Variants in COL24A1 observed in about 807,000 individuals in gnomAD.
COL24A1 encodes the protein collagen alpha-1(XXIV) chain.
Under a neutral mutation model 253.9 loss-of-function variants are expected in COL24A1, and 224 were observed. That is an observed-to-expected ratio of 0.88 (90% CI 0.79 to 0.99). The LOEUF (loss-of-function observed/expected upper bound fraction) is 0.99, where lower values mean the gene tolerates loss of function less well. Ranked by LOEUF, COL24A1 falls within the 50% of genes least tolerant of loss-of-function variation. The probability of loss-of-function intolerance (pLI) is 0.00; values close to 1 mark genes in which losing one functional copy is unlikely to be tolerated. For missense variants in COL24A1, 2,131 were observed against 2,068.5 expected (o/e 1.03, Z -0.59); for synonymous variants, 685 against 673.7 (o/e 1.02, Z -0.26).
At chr1:86,077,433 T>C (rs1702330824) in intron 7 of COL24A1, among the ~76,000 whole-genome samples, 1 of 152,150 alleles carries the variant, frequency 6.6e-6, no homozygotes, top group Admixed American at 6.6e-5. Context: ...AGTGTGGCAA[T>C]TCCTCAAGGA....
intron 7 of COL24A1, among the ~76,000 whole-genome samples, chr1:86,074,603 A>G (rs532604273): frequency 1.3e-5 from 2 of 152,270 alleles, no homozygotes; most frequent in East Asian, 1.9e-4. Context: ...TGGACCAAGC[A>G]GACATAATAG....
At chr1:85,806,804 G>A (rs1182644467) in intron 47 of COL24A1, among the ~76,000 whole-genome samples, 3 of 152,164 alleles carry the variant, frequency 2.0e-5, no homozygotes, top group Admixed American at 6.5e-5. Flanking sequence ...CCTGCTCTAC[G>A]ACCCAGCAGG....
At chr1:85,856,589 G>A (rs1164508025) in intron 37 of COL24A1, among the ~76,000 whole-genome samples, 2 of 152,042 alleles carry the variant, frequency 1.3e-5, no homozygotes, top group Non-Finnish European at 2.9e-5. Context: ...CCTAATGATA[G>A]CTCTTTGCAT....
chr1:85,934,985 T>C (rs1309959964), intron 24 of COL24A1, among the ~76,000 whole-genome samples: 4 of 151,822 alleles, frequency 2.6e-5, no homozygotes, highest in African/African-American at 4.8e-5. Context: ...AGCTAGAATA[T>C]GCTGTGTTTC....
chr1:86,041,580 A>G (rs1266979004), intron 12 of COL24A1, among the ~76,000 whole-genome samples: 1 of 152,168 alleles, frequency 6.6e-6, no homozygotes, highest in African/African-American at 2.4e-5. Context: ...TGCACTAAAA[A>G]GGAAGCTACT....
intron 43 of COL24A1, among the ~76,000 whole-genome samples, chr1:85,836,368 A>C (rs1676006651): frequency 6.6e-6 from 1 of 152,346 alleles, no homozygotes; most frequent in East Asian, 1.9e-4. Context: ...GTAAAGTTTA[A>C]AATGGTTAAA....
At chr1:86,104,874 G>A (rs978929177) in intron 5 of COL24A1, among the ~76,000 whole-genome samples, 1 of 152,246 alleles carries the variant, frequency 6.6e-6, no homozygotes, top group African/African-American at 2.4e-5. Flanking sequence ...AGCAGCGGCC[G>A]AGTGGCAGGA....
intron 14 of COL24A1, among the ~76,000 whole-genome samples, chr1:86,026,415 G>A (rs1465260721): frequency 1.3e-5 from 2 of 152,048 alleles, no homozygotes. Context: ...TCAGATCATT[G>A]GGGAGGATTC....
chr1:85,891,256 G>C (rs1383903064), intron 31 of COL24A1, among the ~76,000 whole-genome samples: 2 of 144,206 alleles, frequency 1.4e-5, no homozygotes, highest in Non-Finnish European at 3.0e-5. Flanking sequence ...GGTAGAGACA[G>C]AGTTTCACCG....
intron 47 of COL24A1, among the ~76,000 whole-genome samples, chr1:85,800,075 G>C (rs1671269763): frequency 6.6e-6 from 1 of 152,140 alleles, no homozygotes; most frequent in African/African-American, 2.4e-5. Flanking sequence ...TTCCCAATTA[G>C]AGTAACTTAG....
At position 85,921,982 on chromosome 1, in the gene COL24A1, G is replaced by C. The variant is rs150067376; in HGVS notation, c.2563-10549C>G. 1.0e-3 allele frequency among the ~76,000 whole-genome samples: 157 copies of C among 152,242 alleles called. 2 individuals carry two copies. The highest frequency in any genetic ancestry group is 3.4e-3 in the Middle Eastern group (1 of 294). ...GTAGAGAAGACCTTAAGTGACCCGA[G>C]GGAGCTGAAAACCATGGCATGAGAA... On this transcript the variant is annotated intron_variant, in intron 24 of 59. Coordinates refer to ENST00000370571, the MANE Select transcript of COL24A1 (RefSeq NM_152890.7).
Position 86,156,479 on chromosome 1 carries a change from T to A in COL24A1, c.-83A>T. 8.1e-7 allele frequency: 1 copy of A among 1,235,180 alleles called. No homozygotes were observed. Among genetic ancestry groups the A allele is most frequent in the Admixed American group, 2.6e-5 (1 of 38,100 alleles). The allele number at this position is 1,235,180 out of a possible 1,614,324, so 76.5% of individuals were successfully genotyped here. On this transcript the variant is annotated 5_prime_UTR_variant, in exon 1 of 60. The change abolishes an upstream ATG in the 5' untranslated region. Coordinates refer to ENST00000370571, the MANE Select transcript of COL24A1 (RefSeq NM_152890.7). ...CTGCTTAGGGTGCAGGTACTGTCCA[T>A]GAAAAAGGGAAAAAACAATCACATG...
chr1:85,826,138 T>C (rs74985096), intron 43 of COL24A1, among the ~76,000 whole-genome samples: 42,143 of 129,186 alleles, frequency 0.33, 7,576 homozygotes, highest in Non-Finnish European at 0.4. Context: ...CAGCTTTCTA[T>C]ATATGGCTAG....
chr1:86,074,399 A>AG (rs1369210912), intron 7 of COL24A1, among the ~76,000 whole-genome samples: 4 of 152,228 alleles, frequency 2.6e-5, no homozygotes, highest in Non-Finnish European at 5.9e-5. Context: ...ATGCAAAAAA[A>AG]GAGCTAACAC....
chr1:85,901,761 G>A (rs762027364), intron 28 of COL24A1, among the ~76,000 whole-genome samples: 18 of 124,690 alleles, frequency 1.4e-4, no homozygotes, highest in Admixed American at 2.2e-4. Context: ...GCAGTGAGCC[G>A]AGATCATGCC....
intron 52 of COL24A1, among the ~76,000 whole-genome samples, chr1:85,779,761 T>C (rs1002010911): frequency 4.6e-5 from 7 of 152,180 alleles, no homozygotes; most frequent in Non-Finnish European, 8.8e-5. Flanking sequence ...TATTACCATA[T>C]AGTTTCATTT....
rs559312529 is a variant in COL24A1, at chr1:86,133,687, C to T, written c.122-7473G>A. 1.1e-4 allele frequency among the ~76,000 whole-genome samples: 16 copies of T among 152,238 alleles called. No homozygotes were observed. In the East Asian group the frequency reaches 3.1e-3, roughly 29 times the overall value. ...GTGTATGTTGAACCAGCCTTGCATC[C>T]CAGGGATGAGGCCCACTTGATCATG... On this transcript the variant is annotated intron_variant, in intron 2 of 59. Coordinates refer to ENST00000370571, the MANE Select transcript of COL24A1 (RefSeq NM_152890.7).
chr1:86,148,352 T>G (rs1448867266), intron 1 of COL24A1, among the ~76,000 whole-genome samples: 2 of 147,780 alleles, frequency 1.4e-5, no homozygotes, highest in Non-Finnish European at 3.0e-5. Flanking sequence ...ACCCGGCTAA[T>G]TTTTTTTTTA....
rs768587948 is a variant in COL24A1, at chr1:85,970,266, T to A, written c.2424A>T (p.Glu808Asp). The change falls in exon 22 of 60, where the codon GAA becomes GAT. Residue 808 changes from glutamate to aspartate, a missense_variant. By Grantham distance (45) the Glu-to-Asp change is conservative (BLOSUM62 2). Transcript: ENST00000370571. ...GPPGLKGTQG[E>D]EGPIGAFGEL... is the part of the protein sequence containing the mutation. ...CCCCAAAGGCTCCAATTGGTCCTTCTTCTCCCTTAAAAAAAAAAAAAGTCA... is the reference window on the plus strand; with the variant it reads ...CCCCAAAGGCTCCAATTGGTCCTTCATCTCCCTTAAAAAAAAAAAAAGTCA... 12 of 1,593,296 alleles carry A rather than the reference T, an allele frequency of 7.5e-6. No individual in the cohort carries two copies. Among genetic ancestry groups the A allele is most frequent in the Middle Eastern group, 1.7e-4 (1 of 5,956 alleles).
Sources: allele counts gnomAD v4.1 joint callset (sites outside exome capture counted in the v4.1 genomes callset), GRCh38; gene constraint gnomAD v4.1.1; transcripts MANE v1.5; gene names NCBI Gene and HGNC (gene_info 2026-07-23, HGNC 2026-07-21).